Variants in MAST3 observed in about 807,000 individuals in gnomAD.
The protein encoded by MAST3 is microtubule-associated serine/threonine-protein kinase 3.
In MAST3, 43 loss-of-function variants were observed where a neutral mutation model predicts 127.0. That is an observed-to-expected ratio of 0.34 (90% CI 0.27 to 0.44). The LOEUF (loss-of-function observed/expected upper bound fraction) is 0.44. Among genes scored for constraint, MAST3 ranks in the 20% least tolerant of loss-of-function variants. The pLI is 1.00. For synonymous variants in MAST3, 785 were observed against 809.2 expected (o/e 0.97, Z 0.51); for missense variants, 1,390 against 1,919.1 (o/e 0.72, Z 5.15).
chr19:18,150,683 T>C lies in MAST3; in HGVS notation c.*957T>C, dbSNP rs2043469654. The C allele has an allele frequency of 6.6e-6, 1 of 152,306 alleles. No homozygotes were observed. Among genetic ancestry groups the C allele is most frequent in the Non-Finnish European group, 1.5e-5 (1 of 68,090 alleles). The allele number at this position is 152,306 out of a possible 1,614,324, so 9.4% of individuals were successfully genotyped here. A position where few individuals can be genotyped will look rare whatever the true frequency, so the allele number is the denominator to read the frequency against. On this transcript the variant is annotated 3_prime_UTR_variant, in exon 28 of 28. Transcript: ENST00000687212. ...TGCCATGCCCAGGCAGTGCCTGCTC[T>C]ATATATAGAGTCTGCCTCCAATCCT...
intron 14 of MAST3, among the ~76,000 whole-genome samples, chr19:18,131,662 G>A (rs1568584955): frequency 1.3e-5 from 2 of 150,406 alleles, no homozygotes; most frequent in East Asian, 3.9e-4. Flanking sequence ...TCGCGCCACT[G>A]CACTCCAGCC....
At chr19:18,140,854 T>A (rs1235920853) in intron 20 of MAST3, among the ~76,000 whole-genome samples, 1 of 152,010 alleles carries the variant, frequency 6.6e-6, no homozygotes, top group Non-Finnish European at 1.5e-5. Flanking sequence ...AGTGCAATAG[T>A]GCAATCTCAG....
chr19:18,149,744 C>T lies in MAST3; in HGVS notation c.*18C>T. On this transcript the variant is annotated 3_prime_UTR_variant, in exon 28 of 28. Coordinates refer to ENST00000687212, the MANE Select transcript of MAST3 (RefSeq NM_001393504.1). This position sits in a 1 kb window ranked among gnomAD's most constrained non-coding sequence, Gnocchi z 5.9. ...GAGACTGATCCCCTGCCAGGTCTCT[C>T]CCTGGCATCAAAGTTACGCGTTTTC... 6.8e-6 allele frequency: 11 copies of T among 1,609,966 alleles called. No homozygotes were observed. The highest frequency in any genetic ancestry group is 9.3e-6 in the Non-Finnish European group (11 of 1,179,134).
intron 20 of MAST3, 87 bp from the exon 21 acceptor site, chr19:18,141,795 A>G: frequency 8.9e-7 from 1 of 1,128,956 alleles, no homozygotes; most frequent in Non-Finnish European, 1.1e-6. Context: ...GGCTCAAGTG[A>G]TCCTCCCAGC....
chr19:18,124,096 C>T lies in MAST3; in HGVS notation c.791C>T (p.Thr264Ile). The T allele has an allele frequency of 1.2e-6, 2 of 1,611,650 alleles. No individual in the cohort carries two copies. Among genetic ancestry groups the T allele is most frequent in the Non-Finnish European group, 1.7e-6 (2 of 1,178,974 alleles). The change falls in exon 9 of 28, where the codon ACC (threonine) becomes ATC (isoleucine). Residue 264 changes from threonine to isoleucine, a missense_variant. By Grantham distance (89) the Thr-to-Ile change is moderately conservative. This residue lies in a region of MAST3 where 277 missense variants were observed against 384.8 expected (regional missense o/e 0.72). Transcript: ENST00000687212. ...CLAKSGENLVTSRYFLEMQEK... is the reference protein window; with the variant it reads ...CLAKSGENLVISRYFLEMQEK... ...GCCAAGTCTGGCGAGAACCTCGTCA[C>T]CTCCCGCTACTTCCTAGAGATGCAG... is the stretch of plus-strand genomic sequence containing the variant.
chr19:18,147,158 C>T, intron 26 of MAST3, 114 bp downstream of exon 26: 1 of 1,063,972 alleles, frequency 9.4e-7, no homozygotes, highest in Non-Finnish European at 1.3e-6. Flanking sequence ...GGCTGGAGTG[C>T]AGTGGCTCAA....
At chr19:18,131,881 C>A in intron 14 of MAST3, 28 bp from the exon 15 acceptor site, 1 of 1,550,148 alleles carries the variant, frequency 6.5e-7, no homozygotes, top group Non-Finnish European at 8.7e-7. Context: ...TGCCCCGGGC[C>A]TCATGACTAC....
chr19:18,143,184 G>A (rs777163916), intron 21 of MAST3, among the ~76,000 whole-genome samples: 5 of 151,624 alleles, frequency 3.3e-5, no homozygotes, highest in Admixed American at 6.6e-5. Flanking sequence ...CCCTGGTCTC[G>A]AACTCCTGGC....
At chr19:18,105,833 G>A (rs1396589888) in intron 1 of MAST3, among the ~76,000 whole-genome samples, 4 of 152,044 alleles carry the variant, frequency 2.6e-5, no homozygotes, top group Admixed American at 2.0e-4. Context: ...CTCTAAAAGG[G>A]TCTTCAAAAG....
At chr19:18,137,137 G>A (rs925408903) in intron 18 of MAST3, 102 bp from the exon 19 acceptor site, 59 of 1,452,584 alleles carry the variant, frequency 4.1e-5, no homozygotes, top group Non-Finnish European at 5.4e-5. Flanking sequence ...TTCTGGTTCT[G>A]TGTTGTCCCT....
intron 3 of MAST3, among the ~76,000 whole-genome samples, chr19:18,117,839 C>T (rs1197946254): frequency 1.3e-5 from 2 of 151,628 alleles, no homozygotes; most frequent in South Asian, 2.1e-4. Flanking sequence ...CTCAGCCGCC[C>T]GCGGCCCTAG....
intron 5 of MAST3, chr19:18,122,161 TG>T (rs1568566418): frequency 1.0e-6 from 1 of 981,626 alleles, no homozygotes; most frequent in East Asian, 1.1e-4. Flanking sequence ...TGGGGGGTCA[TG>T]GGGGGATATA....
rs373168863 is a variant in MAST3, at chr19:18,141,429, G to A, written c.2206-453G>A. 3.0e-5 allele frequency among the ~76,000 whole-genome samples: 4 copies of A among 131,904 alleles called. No individual in the cohort carries two copies. In the East Asian group the frequency reaches 9.3e-4, roughly 31 times the overall value. The allele number at this position is 131,904 out of a possible 152,430, so 86.5% of individuals were successfully genotyped here. ...GCTCTGTCTCCTAGGCTGGAGTGCA[G>A]TGGCACAATCTCGGCTCACTGCAAC... On this transcript the variant is annotated intron_variant, in intron 20 of 27. Transcript: ENST00000687212.
chr19:18,126,495 G>A (rs563445779), intron 11 of MAST3, among the ~76,000 whole-genome samples: 10 of 152,326 alleles, frequency 6.6e-5, no homozygotes, highest in African/African-American at 2.2e-4. Context: ...GGGGAGGCCC[G>A]GCATGGTAGC....
At chr19:18,124,468 G>C in intron 10 of MAST3, 102 bp downstream of exon 10, 2 of 1,359,202 alleles carry the variant, frequency 1.5e-6, no homozygotes, top group Non-Finnish European at 2.0e-6. Context: ...ATCGTGTAGG[G>C]CTTTGAGAGG....
At chr19:18,121,597 A>G in intron 3 of MAST3, 88 bp from the exon 4 acceptor site, 1 of 1,119,520 alleles carries the variant, frequency 8.9e-7, no homozygotes. Flanking sequence ...CTTCTCCAGA[A>G]CGGGCTGCGA....
intron 3 of MAST3, among the ~76,000 whole-genome samples, chr19:18,113,937 G>A (rs1318807304): frequency 3.9e-5 from 6 of 152,168 alleles, no homozygotes; most frequent in East Asian, 1.9e-4. Flanking sequence ...TCTCCCCGTC[G>A]CTCACTTGGC....
In MAST3 at chr19:18,135,783, C is replaced by T. The variant is rs114008773; in HGVS notation, c.1914C>T (p.Asp638=). ...AGGGAGATGAGGCCCTTCCAGCAGA[C>T]GCCCAGGACCTCATCACCAGGTTGC... The part of the protein sequence containing the change: ...WPEGDEALPA[D]AQDLITRLLR... Residue 638 remains aspartate, a synonymous_variant, in exon 18 of 28, where the codon GAC becomes GAT. Coordinates refer to ENST00000687212, the MANE Select transcript of MAST3 (RefSeq NM_001393504.1). 1,972 of 1,612,152 alleles carry T rather than the reference C, an allele frequency of 1.2e-3. 15 individuals carry two copies. The African/African-American group carries it at 0.022, about 18-fold the overall frequency.
At chr19:18,139,185 T>G in intron 20 of MAST3, 61 bp downstream of exon 20, 1 of 1,249,192 alleles carries the variant, frequency 8.0e-7, no homozygotes, top group East Asian at 2.5e-5. Flanking sequence ...TCTGTTTGCT[T>G]TCGTATCTGT....
Sources: allele counts gnomAD v4.1 joint callset (sites outside exome capture counted in the v4.1 genomes callset), GRCh38; gene constraint gnomAD v4.1.1; regional missense constraint gnomAD v4.1.1; non-coding constraint Gnocchi (gnomAD v3.1); transcripts MANE v1.5; gene names NCBI Gene and HGNC (gene_info 2026-07-23, HGNC 2026-07-21).